The following FBXW7 variants were observed in gnomAD, a reference collection of about 807,000 sequenced individuals.
FBXW7 encodes the protein F-box/WD repeat-containing protein 7.
Under a neutral mutation model 86.3 loss-of-function variants are expected in FBXW7, and 11 were observed. That is an observed-to-expected ratio of 0.13 (90% CI 0.08 to 0.21). The LOEUF is 0.21. FBXW7 is among the 10% of genes least tolerant of loss of function. FBXW7 has a pLI of 1.00. For missense variants in FBXW7, 488 were observed against 847.4 expected (o/e 0.58, Z 5.27); for synonymous variants, 313 against 297.9 (o/e 1.05, Z -0.52).
Position 152,505,869 on chromosome 4 carries a change from T to C in FBXW7, c.-120+29072A>G, listed in dbSNP as rs545880314. On this transcript the variant is annotated intron_variant, in intron 2 of 13. Coordinates refer to ENST00000281708, the MANE Select transcript of FBXW7 (RefSeq NM_001349798.2). Reference sequence around the variant, plus strand: ...CAATTCTCGTGCCTCAGCCTCCAAGTAGCCAGGATTACAGACGTGCACCAC... The same window carrying C: ...CAATTCTCGTGCCTCAGCCTCCAAGCAGCCAGGATTACAGACGTGCACCAC... 4.0e-5 allele frequency among the ~76,000 whole-genome samples: 6 copies of C among 151,558 alleles called. No homozygotes were observed. The East Asian group carries it at 1.2e-3, about 30-fold the overall frequency.
At chr4:152,413,462 A>G (rs1291325518) in intron 2 of FBXW7, among the ~76,000 whole-genome samples, 1 of 152,114 alleles carries the variant, frequency 6.6e-6, no homozygotes, top group African/African-American at 2.4e-5. Flanking sequence ...AATGTTCCTC[A>G]CTTTGCAGGC....
chr4:152,508,876 AG>A (rs1747699299), intron 2 of FBXW7, among the ~76,000 whole-genome samples: 1 of 152,176 alleles, frequency 6.6e-6, no homozygotes, highest in Admixed American at 6.5e-5. Flanking sequence ...CCTTAACGAA[AG>A]GAACTGAAAA....
intron 2 of FBXW7, among the ~76,000 whole-genome samples, chr4:152,420,594 A>C (rs1380101927): frequency 6.6e-6 from 1 of 152,038 alleles, no homozygotes; most frequent in Non-Finnish European, 1.5e-5. Context: ...AGTAGAAATG[A>C]CTCCTTGATC....
chr4:152,411,097 T>C (rs1737906856), intron 4 of FBXW7: 2 of 890,488 alleles, frequency 2.2e-6, no homozygotes, highest in African/African-American at 3.4e-5. Flanking sequence ...TTACTTTCCC[T>C]CCATTTGTAC....
intron 2 of FBXW7, among the ~76,000 whole-genome samples, chr4:152,499,696 C>T (rs1198620657): frequency 2.0e-5 from 3 of 151,984 alleles, no homozygotes; most frequent in Admixed American, 6.5e-5. Context: ...CACAGGCTCA[C>T]GCAGCCATGC....
chr4:152,453,653 T>C (rs1742118740), intron 2 of FBXW7, among the ~76,000 whole-genome samples: 2 of 152,158 alleles, frequency 1.3e-5, no homozygotes. Flanking sequence ...GGCCAGCAAA[T>C]GCCTCATTTT....
chr4:152,390,896 G>A (rs892012124), intron 4 of FBXW7, among the ~76,000 whole-genome samples: 4 of 151,846 alleles, frequency 2.6e-5, no homozygotes, highest in Non-Finnish European at 5.9e-5. Context: ...CTATAATGCA[G>A]AAGGCTCAAC....
At chr4:152,446,473 T>C (rs1379218923) in intron 2 of FBXW7, among the ~76,000 whole-genome samples, 2 of 152,188 alleles carry the variant, frequency 1.3e-5, no homozygotes, top group African/African-American at 4.8e-5. Context: ...TGAAATCTTT[T>C]TAATGGACAT....
chr4:152,428,806 T>C (rs1244417487), intron 2 of FBXW7, among the ~76,000 whole-genome samples: 3 of 152,218 alleles, frequency 2.0e-5, no homozygotes, highest in Non-Finnish European at 4.4e-5. Context: ...CGGGATTTGA[T>C]TTTGTTGTTT....
At position 152,323,107 on chromosome 4, in the gene FBXW7, T is replaced by C. The variant is rs758163453; in HGVS notation, c.1898A>G (p.Asn633Ser). 3.7e-6 allele frequency: 6 copies of C among 1,613,674 alleles called. No individual in the cohort carries two copies. The East Asian group carries it at 1.3e-4, about 36-fold the overall frequency. Residue 633 changes from asparagine to serine, a missense_variant, in exon 14 of 14, where the codon AAC (asparagine) becomes AGC (serine). Physicochemically the swap from Asn to Ser is conservative, Grantham distance 46. Coordinates refer to ENST00000281708, the MANE Select transcript of FBXW7 (RefSeq NM_001349798.2). Reference protein sequence around the residue: ...HQSAVTCLQFNKNFVITSSDD... With the variant: ...HQSAVTCLQFSKNFVITSSDD... The stretch of plus-strand genomic sequence containing the variant: ...TGAGCTGGTAATTACAAAGTTCTTG[T>C]TGAACTGTAAACAGGTCACAGCACT...
At chr4:152,469,428 T>A (rs200355437) in intron 2 of FBXW7, among the ~76,000 whole-genome samples, 2 of 152,118 alleles carry the variant, frequency 1.3e-5, no homozygotes, top group East Asian at 3.8e-4. Flanking sequence ...TATGAAATTC[T>A]TAACTACAGA....
intron 2 of FBXW7, among the ~76,000 whole-genome samples, chr4:152,518,924 T>C (rs1448704970): frequency 6.6e-6 from 1 of 152,212 alleles, no homozygotes; most frequent in South Asian, 2.1e-4. Flanking sequence ...GGAATAGTTC[T>C]ACAAAGTATG....
intron 4 of FBXW7, among the ~76,000 whole-genome samples, chr4:152,404,828 C>T (rs1470978423): frequency 1.3e-5 from 2 of 152,036 alleles, no homozygotes; most frequent in Non-Finnish European, 2.9e-5. Context: ...CATGGTGGCT[C>T]ATACCTGTAA....
chr4:152,493,901 T>C (rs1055999588), intron 2 of FBXW7, among the ~76,000 whole-genome samples: 1 of 152,230 alleles, frequency 6.6e-6, no homozygotes, highest in African/African-American at 2.4e-5. Flanking sequence ...CTTAATTTAC[T>C]AACAGAGAGG....
intron 6 of FBXW7, among the ~76,000 whole-genome samples, chr4:152,346,304 T>C (rs1389530106): frequency 6.6e-6 from 1 of 152,166 alleles, no homozygotes; most frequent in African/African-American, 2.4e-5. Context: ...CTAGCTAGAA[T>C]GGTTCTTAAA....
intron 4 of FBXW7, among the ~76,000 whole-genome samples, chr4:152,391,266 T>C (rs1188668533): frequency 6.6e-6 from 1 of 152,098 alleles, no homozygotes; most frequent in Admixed American, 6.6e-5. Flanking sequence ...AGAACTTAAT[T>C]CTTGGACGGG....
At chr4:152,354,678 T>C (rs766317183) in intron 4 of FBXW7, among the ~76,000 whole-genome samples, 4 of 152,134 alleles carry the variant, frequency 2.6e-5, no homozygotes, top group Non-Finnish European at 5.9e-5. Flanking sequence ...AAATATCTCT[T>C]AACTTTGTAT....
rs183673684 is a variant in FBXW7, at chr4:152,510,709, G to A, written c.-120+24232C>T. Among the ~76,000 whole-genome samples the A allele has an allele frequency of 9.2e-5, 14 of 152,138 alleles. No individual in the cohort carries two copies. In the East Asian group the frequency reaches 2.1e-3, roughly 23 times the overall value. On this transcript the variant is annotated intron_variant, in intron 2 of 13. Coordinates refer to ENST00000281708, the MANE Select transcript of FBXW7 (RefSeq NM_001349798.2). ...AGGAAAATGCAAAAGACAGTGACTG[G>A]GAAAAAAATGAAACTTTCATGAGTT...
At chr4:152,413,910 A>G (rs1306344585) in intron 2 of FBXW7, among the ~76,000 whole-genome samples, 2 of 152,120 alleles carry the variant, frequency 1.3e-5, no homozygotes, top group African/African-American at 4.8e-5. Flanking sequence ...TCTGGTATCT[A>G]AAGTCCCTAT....
Sources: gnomAD v4.1 joint callset for allele counts (sites outside exome capture counted in the v4.1 genomes callset) on GRCh38, gnomAD v4.1.1 for gene constraint, MANE v1.5 for transcripts, NCBI Gene and HGNC (gene_info 2026-07-23, HGNC 2026-07-21) for gene names.